Variants in KCTD3 observed in about 807,000 individuals in gnomAD.
KCTD3 encodes potassium channel tetramerization domain containing 3, also known as BTB/POZ domain-containing protein KCTD3.
Under a neutral mutation model 85.8 loss-of-function variants are expected in KCTD3, and 41 were observed. The observed-to-expected ratio is 0.48, with a 90% CI of 0.37 to 0.62. KCTD3 has a LOEUF of 0.62. Among genes scored for constraint, KCTD3 ranks in the 20% least tolerant of loss-of-function variants. The pLI is 0.00. For missense variants in KCTD3, 724 were observed against 989.9 expected (o/e 0.73, Z 3.60); for synonymous variants, 338 against 345.4 (o/e 0.98, Z 0.24).
At chr1:215,578,517 C>A (rs1291605171) in intron 6 of KCTD3, among the ~76,000 whole-genome samples, 1 of 152,142 alleles carries the variant, frequency 6.6e-6, no homozygotes, top group African/African-American at 2.4e-5. Context: ...TCAGTGTCAC[C>A]TCAGCCCCAC....
intron 15 of KCTD3, among the ~76,000 whole-genome samples, chr1:215,614,018 GTTTTTTTTT>G (rs577770912): frequency 7.5e-5 from 5 of 66,290 alleles, no homozygotes; most frequent in African/African-American, 3.2e-4. Flanking sequence ...CTTTAGAATA[GTTTTTTTTT>G]TTTTTTTTTT....
intron 8 of KCTD3, among the ~76,000 whole-genome samples, chr1:215,582,915 T>G (rs140696602): frequency 6.6e-6 from 1 of 152,328 alleles, no homozygotes; most frequent in South Asian, 2.1e-4. Context: ...AGAGCAAATA[T>G]GTACCTTCTT....
chr1:215,606,191 TG>T (rs1259063582), intron 13 of KCTD3, among the ~76,000 whole-genome samples: 3 of 152,170 alleles, frequency 2.0e-5, no homozygotes, highest in African/African-American at 7.2e-5. Context: ...TTATTTGAAA[TG>T]GTTTGCCCAT....
intron 12 of KCTD3, among the ~76,000 whole-genome samples, chr1:215,603,042 G>T (rs1381140844): frequency 6.6e-6 from 1 of 152,172 alleles, no homozygotes; most frequent in Non-Finnish European, 1.5e-5. Flanking sequence ...CACAATGACA[G>T]AATTGAGAGG....
chr1:215,568,091 C>T (rs1258960055), intron 1 of KCTD3, among the ~76,000 whole-genome samples: 1 of 152,170 alleles, frequency 6.6e-6, no homozygotes, highest in Non-Finnish European at 1.5e-5. Context: ...CTTACCTCAT[C>T]TCAGATTAGA....
chr1:215,586,452 A>G, intron 8 of KCTD3, 43 bp from the exon 9 acceptor site: 1 of 1,502,632 alleles, frequency 6.7e-7, no homozygotes, highest in African/African-American at 1.4e-5. Context: ...CGTTTGCTTC[A>G]TTGCTGCTGA....
intron 7 of KCTD3, 34 bp downstream of exon 7, chr1:215,579,171 AT>A: frequency 6.3e-7 from 1 of 1,584,890 alleles, no homozygotes. Flanking sequence ...AAAAAGAAAA[AT>A]ACGTATGTTT....
intron 9 of KCTD3, among the ~76,000 whole-genome samples, chr1:215,587,161 G>A (rs1445293073): frequency 6.9e-6 from 1 of 145,350 alleles, no homozygotes; most frequent in Non-Finnish European, 1.5e-5. Flanking sequence ...ACTGAGTCTC[G>A]CTCTGTCGCC....
At chr1:215,577,965 T>C (rs776739978) in intron 5 of KCTD3, 36 bp from the exon 6 acceptor site, 1 of 1,598,596 alleles carries the variant, frequency 6.3e-7, no homozygotes, top group Non-Finnish European at 8.5e-7. Context: ...TCTGTTTGCA[T>C]GTACTCTTGA....
chr1:215,580,963 T>G (rs1201479101), intron 8 of KCTD3: 5 of 468,006 alleles, frequency 1.1e-5, no homozygotes. Context: ...CAGACTTTTA[T>G]GTTTTAAGAG....
chr1:215,617,443 T>G (rs1655495456), intron 15 of KCTD3, among the ~76,000 whole-genome samples: 1 of 152,160 alleles, frequency 6.6e-6, no homozygotes, highest in Non-Finnish European at 1.5e-5. Context: ...TAGAGGACAC[T>G]TAGCTGGTGT....
At chr1:215,577,570 A>G in intron 4 of KCTD3, 100 bp from the exon 5 acceptor site, 3 of 743,886 alleles carry the variant, frequency 4.0e-6, no homozygotes, top group Non-Finnish European at 7.3e-6. Flanking sequence ...TTAAAGCCTT[A>G]TGACTATATA....
rs1448380985 is a variant in KCTD3, at chr1:215,573,801, A to G, written c.99A>G (p.Arg33=). 1.3e-6 allele frequency: 2 copies of G among 1,577,612 alleles called. No individual in the cohort carries two copies. Among genetic ancestry groups the G allele is most frequent in the Non-Finnish European group, 1.7e-6 (2 of 1,152,252 alleles). Residue 33 remains arginine (R), a synonymous_variant, in exon 2 of 18, where the codon AGA becomes AGG. Transcript: ENST00000259154. ...TTAATTGCAGATTTAGTACCTCAAG[A>G]CAAACTCTTATGTGGATTCCAGATT... ...NVGGTRFSTS[R]QTLMWIPDSF...
chr1:215,611,703 T>C (rs1258045041), intron 14 of KCTD3, 122 bp from the exon 15 acceptor site: 3 of 589,526 alleles, frequency 5.1e-6, no homozygotes, highest in Non-Finnish European at 9.0e-6. Flanking sequence ...TGAGCTGAAA[T>C]GTGATACCAT....
At chr1:215,600,483 G>T (rs2797393) in intron 10 of KCTD3, among the ~76,000 whole-genome samples, 1 of 151,860 alleles carries the variant, frequency 6.6e-6, no homozygotes, top group Non-Finnish European at 1.5e-5. Flanking sequence ...TGAGATGGCA[G>T]TTCTTCCCCT....
At chr1:215,611,000 C>G (rs1655211977) in intron 14 of KCTD3, among the ~76,000 whole-genome samples, 1 of 151,772 alleles carries the variant, frequency 6.6e-6, no homozygotes, top group South Asian at 2.1e-4. Flanking sequence ...AATCTTTTTA[C>G]AATACTTTTT....
intron 8 of KCTD3, among the ~76,000 whole-genome samples, chr1:215,582,596 C>T (rs541630280): frequency 3.5e-4 from 54 of 152,268 alleles, no homozygotes; most frequent in African/African-American, 1.3e-3. Flanking sequence ...GAGTCTTGCA[C>T]TGTCACCCAG....
In KCTD3 at chr1:215,620,635, A is replaced by C. The variant is rs766740712; in HGVS notation, c.*17A>C. 31 of 1,517,528 alleles carry C rather than the reference A, an allele frequency of 2.0e-5. No homozygotes were observed. The African/African-American group carries it at 4.0e-4, about 20-fold the overall frequency. The allele number at this position is 1,517,528 out of a possible 1,614,324, so 94.0% of individuals were successfully genotyped here. ...AGCTTGTGAAAACTCACCAAAATGA[A>C]TAGTTGTTTCGTTACATTTAGATGA... On this transcript the variant is annotated 3_prime_UTR_variant, in exon 18 of 18. Coordinates refer to ENST00000259154, the MANE Select transcript of KCTD3 (RefSeq NM_016121.5).
chr1:215,619,654 GT>G (rs1655587597), intron 17 of KCTD3, among the ~76,000 whole-genome samples: 1 of 152,066 alleles, frequency 6.6e-6, no homozygotes, highest in African/African-American at 2.4e-5. Context: ...GTTCTATTAT[GT>G]TGTCTAGTCT....
Sources: gnomAD v4.1 joint callset for allele counts (sites outside exome capture counted in the v4.1 genomes callset) on GRCh38, gnomAD v4.1.1 for gene constraint, MANE v1.5 for transcripts, NCBI Gene and HGNC (gene_info 2026-07-23, HGNC 2026-07-21) for gene names.